The following SAMD3 variants were observed in gnomAD, a reference collection of about 807,000 sequenced individuals.
The protein encoded by SAMD3 is sterile alpha motif domain-containing protein 3.
In SAMD3, 63 loss-of-function variants were observed where a neutral mutation model predicts 58.5. The ratio of observed to expected loss-of-function variants is 1.08; its 90% CI spans 0.88 to 1.33. The LOEUF (loss-of-function observed/expected upper bound fraction) is 1.33, where lower values mean the gene tolerates loss of function less well. Among genes scored for constraint, SAMD3 ranks in the 40% most tolerant of loss-of-function variants. The probability of loss-of-function intolerance (pLI) is 0.00; values close to 1 mark genes in which losing one functional copy is unlikely to be tolerated. For missense variants in SAMD3, 604 were observed against 608.4 expected (o/e 0.99, Z 0.08); for synonymous variants, 220 against 210.3 (o/e 1.05, Z -0.40).
intron 5 of SAMD3, among the ~76,000 whole-genome samples, chr6:130,198,603 T>C (rs1794363482): frequency 1.3e-5 from 2 of 152,074 alleles, no homozygotes; most frequent in Admixed American, 6.5e-5. Context: ...AACCACTCAC[T>C]AGCAAGGCAC....
intron 1 of SAMD3, among the ~76,000 whole-genome samples, chr6:130,355,959 AG>A (rs1180070014): frequency 6.6e-6 from 1 of 152,224 alleles, no homozygotes; most frequent in Non-Finnish European, 1.5e-5. Flanking sequence ...CTTTCCCATC[AG>A]TGCCATTTTT....
chr6:130,204,972 T>C (rs1182631746), intron 5 of SAMD3, among the ~76,000 whole-genome samples: 1 of 152,024 alleles, frequency 6.6e-6, no homozygotes, highest in African/African-American at 2.4e-5. Flanking sequence ...AGACCACTTG[T>C]TGGGCAAGTG....
At chr6:130,269,947 T>C (rs141231166) in intron 2 of SAMD3, among the ~76,000 whole-genome samples, 1 of 152,090 alleles carries the variant, frequency 6.6e-6, no homozygotes, top group Non-Finnish European at 1.5e-5. Context: ...GGAAGTGTGT[T>C]GCTTAATTAT....
intron 2 of SAMD3, among the ~76,000 whole-genome samples, chr6:130,246,423 A>G (rs1412205183): frequency 1.3e-5 from 2 of 152,224 alleles, no homozygotes; most frequent in Non-Finnish European, 2.9e-5. Flanking sequence ...TAACTTGACT[A>G]TACATGACTA....
At chr6:130,196,825 T>C (rs1582886590) in intron 5 of SAMD3, among the ~76,000 whole-genome samples, 1 of 152,182 alleles carries the variant, frequency 6.6e-6, no homozygotes. Context: ...ACTGGATAGG[T>C]AGAGGCCTTT....
At chr6:130,158,057 G>A (rs1235125429) in intron 8 of SAMD3, among the ~76,000 whole-genome samples, 1 of 152,010 alleles carries the variant, frequency 6.6e-6, no homozygotes, top group East Asian at 1.9e-4. Flanking sequence ...ATATTAATGA[G>A]ACTTAAATAA....
downstream of SAMD3, chr6:130,144,136 A>G: frequency 5.4e-6 from 1 of 185,216 alleles, no homozygotes; most frequent in Non-Finnish European, 1.1e-5. Flanking sequence ...GACCAAAGAG[A>G]CAGCCCACAG....
At chr6:130,150,370 A>G (rs988028143) in intron 9 of SAMD3, among the ~76,000 whole-genome samples, 1 of 152,188 alleles carries the variant, frequency 6.6e-6, no homozygotes, top group Admixed American at 6.5e-5. Flanking sequence ...TTTCTTCCAT[A>G]GCCAGAATTC....
At chr6:130,346,454 C>T (rs1583137197) in intron 1 of SAMD3, among the ~76,000 whole-genome samples, 4 of 152,320 alleles carry the variant, frequency 2.6e-5, no homozygotes, top group Admixed American at 2.6e-4. Flanking sequence ...GGTCCTATGC[C>T]CACGGAGCCT....
At chr6:130,175,128 G>A (rs1460387235) in intron 8 of SAMD3, among the ~76,000 whole-genome samples, 1 of 152,236 alleles carries the variant, frequency 6.6e-6, no homozygotes, top group African/African-American at 2.4e-5. Context: ...GGGAGGACAA[G>A]AGATTTCACT....
rs559288749 is a variant in SAMD3, at chr6:130,204,674, T to C, written c.383+4821A>G. 9.2e-5 allele frequency among the ~76,000 whole-genome samples: 14 copies of C among 151,800 alleles called. No individual in the cohort carries two copies. The East Asian group carries it at 1.9e-3, about 21-fold the overall frequency. ...TGTGCCACAGCACTCTAGTGTTTCC[T>C]TGGACACCCAATTCACCCACTGGAA... On this transcript the variant is annotated intron_variant, in intron 5 of 11. Coordinates refer to ENST00000439090, the MANE Select transcript of SAMD3 (RefSeq NM_001017373.4).
At chr6:130,339,810 T>G (rs541900993) in intron 1 of SAMD3, among the ~76,000 whole-genome samples, 12 of 152,222 alleles carry the variant, frequency 7.9e-5, no homozygotes, top group African/African-American at 2.2e-4. Flanking sequence ...AGTGGTTGGG[T>G]GTAGAAAAAA....
intron 1 of SAMD3, among the ~76,000 whole-genome samples, chr6:130,313,457 A>G (rs1437292714): frequency 6.6e-6 from 1 of 152,136 alleles, no homozygotes; most frequent in African/African-American, 2.4e-5. Flanking sequence ...TACATTGATA[A>G]CCACTGACTC....
At chr6:130,253,759 G>A (rs1773828202) in intron 2 of SAMD3, among the ~76,000 whole-genome samples, 1 of 149,988 alleles carries the variant, frequency 6.7e-6, no homozygotes, top group African/African-American at 2.5e-5. Context: ...TTTTTTTTTG[G>A]TGGAGGGGGG....
At chr6:130,241,951 T>G (rs946144117) in intron 2 of SAMD3, among the ~76,000 whole-genome samples, 1 of 152,202 alleles carries the variant, frequency 6.6e-6, no homozygotes, top group Non-Finnish European at 1.5e-5. Flanking sequence ...GAACTTTATT[T>G]TTAAAAGTAT....
chr6:130,232,736 CA>C (rs5880010), intron 2 of SAMD3, among the ~76,000 whole-genome samples: 2,854 of 152,136 alleles, frequency 0.019, 78 homozygotes, highest in African/African-American at 0.064. Context: ...TGAGGCATCA[CA>C]AAAAAACAAT....
At chr6:130,317,488 T>C (rs947890454) in intron 1 of SAMD3, among the ~76,000 whole-genome samples, 2 of 152,222 alleles carry the variant, frequency 1.3e-5, no homozygotes, top group African/African-American at 4.8e-5. Flanking sequence ...TTAAAATACA[T>C]TGTGATAAAT....
At chr6:130,199,352 A>AG (rs1254152079) in intron 5 of SAMD3, among the ~76,000 whole-genome samples, 3 of 152,240 alleles carry the variant, frequency 2.0e-5, no homozygotes, top group African/African-American at 7.2e-5. Flanking sequence ...TGGGATACCC[A>AG]GGTTTATATT....
intron 8 of SAMD3, among the ~76,000 whole-genome samples, chr6:130,169,469 GT>G (rs1791037865): frequency 6.6e-6 from 1 of 152,182 alleles, no homozygotes; most frequent in African/African-American, 2.4e-5. Context: ...AATTAGATTT[GT>G]TTGCCAGCAA....
Sources: allele counts gnomAD v4.1 joint callset (sites outside exome capture counted in the v4.1 genomes callset), GRCh38; gene constraint gnomAD v4.1.1; transcripts MANE v1.5; gene names NCBI Gene and HGNC (gene_info 2026-07-23, HGNC 2026-07-21).